Variants in PCDHA7 observed in about 807,000 individuals in gnomAD.
The protein encoded by PCDHA7 is protocadherin alpha-7.
PCDHA7 carries 37 observed loss-of-function variants against 57.2 expected under a neutral mutation model. That is an observed-to-expected ratio of 0.65 (90% CI 0.50 to 0.85). The LOEUF (loss-of-function observed/expected upper bound fraction) is 0.85. Among genes scored for constraint, PCDHA7 ranks in the 40% least tolerant of loss-of-function variants. The pLI, the probability that PCDHA7 is intolerant of heterozygous loss-of-function variation, is 0.00. For missense variants in PCDHA7, 1,188 were observed against 1,241.8 expected, an observed-to-expected ratio of 0.96 and a Z score of 0.65; for synonymous variants, 553 against 558.8, an observed-to-expected ratio of 0.99 and a Z score of 0.15.
chr5:140,971,845 G>A (rs370364575), intron 1 of PCDHA7, among the ~76,000 whole-genome samples: 4 of 152,052 alleles, frequency 2.6e-5, no homozygotes, highest in Admixed American at 6.5e-5. Context: ...CAAGTCATGC[G>A]TTAAATATTT....
intron 1 of PCDHA7, among the ~76,000 whole-genome samples, chr5:140,933,323 T>C (rs935740276): frequency 6.6e-6 from 1 of 152,016 alleles, no homozygotes; most frequent in Admixed American, 6.6e-5. Flanking sequence ...CGTATTCTCC[T>C]GTGCTGTAGA....
chr5:140,856,016 A>G (rs2043730978), intron 1 of PCDHA7: 2 of 1,550,936 alleles, frequency 1.3e-6, no homozygotes, highest in East Asian at 2.3e-5. Flanking sequence ...TAGACCGCTG[A>G]TTCGTCGATT....
intron 3 of PCDHA7, among the ~76,000 whole-genome samples, chr5:141,005,628 G>C: frequency 6.7e-6 from 1 of 148,974 alleles, no homozygotes; most frequent in Non-Finnish European, 1.5e-5. Context: ...CGTGAACCCG[G>C]GAGGCGGAGC....
At chr5:140,877,116 C>T in intron 1 of PCDHA7, 4 of 1,613,672 alleles carry the variant, frequency 2.5e-6, no homozygotes, top group Non-Finnish European at 2.5e-6. Context: ...TGGGCAGCAA[C>T]GTGACGCTGC....
At chr5:140,961,083 T>C (rs1470868954) in intron 1 of PCDHA7, among the ~76,000 whole-genome samples, 1 of 152,198 alleles carries the variant, frequency 6.6e-6, no homozygotes, top group Non-Finnish European at 1.5e-5. Context: ...ATCAAGTAAT[T>C]GTTGACTTTT....
rs1554138767 is a variant in PCDHA7, at chr5:140,842,067, T to C, written c.2355+5329T>C. On this transcript the variant is annotated intron_variant, in intron 1 of 3. Coordinates refer to ENST00000525929, the MANE Select transcript of PCDHA7 (RefSeq NM_018910.3). ...ACTTTCGAACAGTCTGAATACGAAG[T>C]AAGAATATTCGAAAACGCAGACAAC... 5.6e-6 allele frequency: 9 copies of C among 1,613,874 alleles called. No individual in the cohort carries two copies. The South Asian group carries it at 9.9e-5, about 18-fold the overall frequency.
chr5:140,995,526 A>G (rs1241973159), intron 3 of PCDHA7, among the ~76,000 whole-genome samples: 1 of 152,244 alleles, frequency 6.6e-6, no homozygotes, highest in Non-Finnish European at 1.5e-5. Context: ...TCAGAAATCA[A>G]ACCTCAAATA....
At chr5:140,983,168 C>G (rs2097030716) in intron 3 of PCDHA7, among the ~76,000 whole-genome samples, 1 of 152,146 alleles carries the variant, frequency 6.6e-6, no homozygotes. Context: ...CCAAACATGA[C>G]CGCCTCACAA....
intron 1 of PCDHA7, among the ~76,000 whole-genome samples, chr5:140,962,298 A>T (rs2095671297): frequency 6.6e-6 from 1 of 152,204 alleles, no homozygotes; most frequent in South Asian, 2.1e-4. Context: ...ATATTCTATG[A>T]TTCTTGTTAG....
At position 140,884,483 on chromosome 5, in the gene PCDHA7, C is replaced by G. The variant is rs376374275; in HGVS notation, c.2355+47745C>G. The G allele has an allele frequency of 3.7e-6, 6 of 1,613,980 alleles. 1 individual carries two copies. In the South Asian group the frequency reaches 5.5e-5, roughly 15 times the overall value. On this transcript the variant is annotated intron_variant, in intron 1 of 3. Coordinates refer to ENST00000525929, the MANE Select transcript of PCDHA7 (RefSeq NM_018910.3). The stretch of plus-strand genomic sequence containing the variant: ...CGCGTGCGCGCCGGGCAAGCCCACT[C>G]TAGTGTGCTCCAGCGCGGCAGGGAG...
intron 1 of PCDHA7, chr5:140,966,987 C>T (rs782372991): frequency 6.2e-7 from 1 of 1,604,132 alleles, no homozygotes; most frequent in South Asian, 1.1e-5. Context: ...CGCTTGGGGC[C>T]GGGTTGCTTG....
chr5:140,836,286 C>G lies in PCDHA7; in HGVS notation c.1903C>G (p.Arg635Gly), dbSNP rs146878440. 2.7e-4 allele frequency: 429 copies of G among 1,613,656 alleles called. 1 individual carries two copies. Among genetic ancestry groups the G allele is most frequent in the Non-Finnish European group, 5.8e-5 (68 of 1,179,818 alleles). ...GLYTGEISTT[R>G]ALDETDAPRH... ...GTACACTGGTGAGATCAGCACGACACGAGCCCTAGATGAGACGGACGCACC... is the reference window on the plus strand; with the variant it reads ...GTACACTGGTGAGATCAGCACGACAGGAGCCCTAGATGAGACGGACGCACC... The change falls in exon 1 of 4, where the codon CGA becomes GGA. Residue 635 changes from arginine (R) to glycine (G), a missense_variant. Coordinates refer to ENST00000525929, the MANE Select transcript of PCDHA7 (RefSeq NM_018910.3).
intron 1 of PCDHA7, among the ~76,000 whole-genome samples, chr5:140,945,201 T>C (rs1168662297): frequency 2.6e-5 from 4 of 152,054 alleles, no homozygotes; most frequent in Non-Finnish European, 5.9e-5. Flanking sequence ...CTATTTACAA[T>C]AGCTATGAGA....
intron 3 of PCDHA7, among the ~76,000 whole-genome samples, chr5:140,996,257 C>G (rs186736348): frequency 1.4e-4 from 22 of 152,342 alleles, no homozygotes; most frequent in African/African-American, 5.3e-4. Flanking sequence ...GACAGCAACA[C>G]AGAGCCTGGG....
chr5:140,858,123 T>C, intron 1 of PCDHA7: 1 of 1,597,678 alleles, frequency 6.3e-7, no homozygotes, highest in East Asian at 2.2e-5. Flanking sequence ...GTGGCCCTGG[T>C]GGATGTCAAC....
At chr5:140,927,412 G>T (rs781968521) in intron 1 of PCDHA7, 1 of 1,614,122 alleles carries the variant, frequency 6.2e-7, no homozygotes, top group East Asian at 2.2e-5. Flanking sequence ...CCTGGACATG[G>T]GATCGCGGGT....
chr5:141,006,233 A>G (rs1311441986), intron 3 of PCDHA7, among the ~76,000 whole-genome samples: 2 of 151,044 alleles, frequency 1.3e-5, no homozygotes, highest in African/African-American at 4.9e-5. Flanking sequence ...TTATTTTTAG[A>G]TGGAGTCTTG....
chr5:140,934,555 CT>C (rs1355336850), intron 1 of PCDHA7, among the ~76,000 whole-genome samples: 2 of 151,972 alleles, frequency 1.3e-5, no homozygotes, highest in African/African-American at 2.4e-5. Context: ...ATCATTTCTT[CT>C]TTTTTTTAAT....
At chr5:140,875,546 AGGTGGGGAGCG>A in intron 1 of PCDHA7, 1 of 1,614,002 alleles carries the variant, frequency 6.2e-7, no homozygotes, top group Non-Finnish European at 8.5e-7. Context: ...GCAGCCTGGG[AGGTGGGGAGCG>A]GCCAGCTCCA....
Sources: gnomAD v4.1 joint callset for allele counts (sites outside exome capture counted in the v4.1 genomes callset) on GRCh38, gnomAD v4.1.1 for gene constraint, MANE v1.5 for transcripts, NCBI Gene and HGNC (gene_info 2026-07-23, HGNC 2026-07-21) for gene names.